The following RELA variants were observed in gnomAD, a reference collection of about 807,000 sequenced individuals.
RELA encodes transcription factor p65.
Under a neutral mutation model 56.7 loss-of-function variants are expected in RELA, and 14 were observed. The ratio of observed to expected loss-of-function variants is 0.25; its 90% CI spans 0.16 to 0.39. The LOEUF is 0.39. Among genes scored for constraint, RELA ranks in the 10% least tolerant of loss-of-function variants. The pLI is 1.00. For missense variants in RELA, 559 were observed against 736.4 expected (o/e 0.76, Z 2.79); for synonymous variants, 315 against 289.7 (o/e 1.09, Z -0.89).
At chr11:65,661,494 C>CT in intron 4 of RELA, 193 bp downstream of exon 4, 1 of 543,868 alleles carries the variant, frequency 1.8e-6, no homozygotes, top group Non-Finnish European at 3.2e-6. Flanking sequence ...TCCGTATCCC[C>CT]TGGAACTCAT....
intron 4 of RELA, 167 bp from the exon 5 acceptor site, chr11:65,660,382 GCTGACAAGCAC>G: frequency 1.6e-6 from 1 of 641,084 alleles, no homozygotes; most frequent in East Asian, 2.8e-5. Context: ...CCTTCACTCA[GCTGACAAGCAC>G]CTCCGTGCCC....
rs1241323828 is a variant in RELA at position 65,661,671 on chromosome 11, C to T, written c.335+16G>A. ...TGTCCCCTCATGCTGGGCCTCCTAG[C>T]CTGCAGGGACCTCACCTGTGGATGC... is the stretch of plus-strand genomic sequence containing the variant. On this transcript the variant is annotated intron_variant, in intron 4 of 10. Transcript: ENST00000406246. 2 of 1,562,132 alleles carry T rather than the reference C, an allele frequency of 1.3e-6. No individual in the cohort carries two copies. The highest frequency in any genetic ancestry group is 2.3e-5 in the East Asian group (1 of 44,242).
At chr11:65,659,205 T>C (rs1323678963) in intron 6 of RELA, among the ~76,000 whole-genome samples, 1 of 152,222 alleles carries the variant, frequency 6.6e-6, no homozygotes, top group Non-Finnish European at 1.5e-5. Context: ...CAGTTTATCC[T>C]GGTTTCCCAT....
intron 10 of RELA, 189 bp from the exon 11 acceptor site, chr11:65,655,189 AC>A: frequency 3.3e-6 from 2 of 603,676 alleles, no homozygotes; most frequent in Non-Finnish European, 5.9e-6. Flanking sequence ...CCACACCTCC[AC>A]CTTGGAGTCC....
At chr11:65,660,736 T>G (rs1856542900) in intron 4 of RELA, 1 of 156,250 alleles carries the variant, frequency 6.4e-6, no homozygotes, top group Admixed American at 6.4e-5. Flanking sequence ...TATTTATTTA[T>G]TTTTAAGAGA....
chr11:65,659,779 C>A lies in RELA; in HGVS notation c.446G>T (p.Arg149Leu), dbSNP rs761250712. The A allele has an allele frequency of 1.2e-6, 2 of 1,612,974 alleles. No homozygotes were observed. Reference protein sequence around the residue: ...NPFQVPIEEQRGDYDLNAVRL... With the variant: ...NPFQVPIEEQLGDYDLNAVRL... Reference sequence around the variant, plus strand: ...CACAGCATTCAGGTCGTAGTCCCCACGCTGCTCTTCTATAGGAACTGCCAA... The same window carrying A: ...CACAGCATTCAGGTCGTAGTCCCCAAGCTGCTCTTCTATAGGAACTGCCAA... The change falls in exon 6 of 11, where the codon CGT (arginine) becomes CTT (leucine). Residue 149 changes from arginine to leucine, a missense_variant. Arg to Leu is a moderately radical substitution (Grantham distance 102). Transcript: ENST00000406246.
intron 1 of RELA, chr11:65,662,466 T>C (rs924330834): frequency 4.1e-6 from 2 of 486,176 alleles, no homozygotes; most frequent in East Asian, 6.8e-5. Context: ...TAAGGAAAAT[T>C]GAGGGAGGGC....
chr11:65,661,754 G>A lies in RELA; in HGVS notation c.268C>T (p.Leu90Phe). 6.2e-7 allele frequency: 1 copy of A among 1,613,904 alleles called. No individual in the cohort carries two copies. The highest frequency in any genetic ancestry group is 8.5e-7 in the Non-Finnish European group (1 of 1,179,922). The change falls in exon 4 of 11, where the codon CTT becomes TTT. Residue 90 changes from leucine (L) to phenylalanine (F), a missense_variant. Leu to Phe is a conservative substitution (Grantham distance 22). Coordinates refer to ENST00000406246, the MANE Select transcript of RELA (RefSeq NM_021975.4). ...CCATCCCGGCAGTCCTTTCCTACAA[G>A]CTCGTGGGGGTGAGGCCGGTGAGGA... ...DPPHRPHPHE[L>F]VGKDCRDGFY...
Position 65,658,339 on chromosome 11 carries a change from A to G in RELA, c.825T>C (p.Pro275=), listed in dbSNP as rs1211316339. ...PVRVSMQLRR[P]SDRELSEPME... Reference sequence around the variant, plus strand: ...TGGGCTCACTGAGCTCCCGGTCGGAAGGCCGCCGCAGCTGCATGGAGACAC... The same window carrying G: ...TGGGCTCACTGAGCTCCCGGTCGGAGGGCCGCCGCAGCTGCATGGAGACAC... The change falls in exon 8 of 11, where the codon CCT becomes CCC. Residue 275 remains proline (P), a synonymous_variant. Coordinates refer to ENST00000406246, the MANE Select transcript of RELA (RefSeq NM_021975.4). This position sits in a 1 kb window ranked among gnomAD's most constrained non-coding sequence, Gnocchi z 4.5. 3 of 1,612,558 alleles carry G rather than the reference A, an allele frequency of 1.9e-6. No homozygotes were observed. The highest frequency in any genetic ancestry group is 3.4e-5 in the Admixed American group (2 of 59,688).
At chr11:65,659,609 C>G (rs1856512425) in intron 6 of RELA, 57 bp downstream of exon 6, 3 of 1,606,988 alleles carry the variant, frequency 1.9e-6, no homozygotes, top group Non-Finnish European at 2.5e-6. Flanking sequence ...CACCCCAACC[C>G]CCTTCCTCCT....
chr11:65,655,232 C>T (rs1318027065), intron 10 of RELA: 2 of 582,888 alleles, frequency 3.4e-6, no homozygotes. Context: ...GAAACTCTTC[C>T]AGCCTTTTAG....
intron 5 of RELA, 21 bp from the exon 6 acceptor site, chr11:65,659,818 C>G (rs1856519322): frequency 2.5e-6 from 4 of 1,598,012 alleles, no homozygotes; most frequent in Non-Finnish European, 3.4e-6. Context: ...AACAGGCGAT[C>G]AGGAGAGCAG....
In RELA at chr11:65,658,930, G is replaced by T; in HGVS notation, c.560-108C>A. The T allele has an allele frequency of 2.3e-6, 2 of 856,350 alleles. No homozygotes were observed. Among genetic ancestry groups the T allele is most frequent in the South Asian group, 1.4e-5 (1 of 73,370 alleles). The allele number at this position is 856,350 out of a possible 1,614,324, so 53.0% of individuals were successfully genotyped here. On this transcript the variant is annotated intron_variant, in intron 6 of 10. Transcript: ENST00000406246. The surrounding 1 kb of genome is among the most constrained non-coding windows in gnomAD (Gnocchi z 4.5). ...CAGCCCAGAGTCAAGGTTGCCCAGA[G>T]CTTGCCACCTACACCTTTGTAGCCA... is the stretch of plus-strand genomic sequence containing the variant.
Position 65,661,912 on chromosome 11 carries a change from C to T in RELA, c.186+25G>A, listed in dbSNP as rs754850782. ...GGGCTGGGGTTCCACAGTCCCTTCC[C>T]CGCACACCCTGGCGCAGTGCTGACC... On this transcript the variant is annotated intron_variant, in intron 3 of 10. Coordinates refer to ENST00000406246, the MANE Select transcript of RELA (RefSeq NM_021975.4). 2.2e-5 allele frequency: 35 copies of T among 1,608,802 alleles called. No homozygotes were observed. In the South Asian group the frequency reaches 3.3e-4, roughly 15 times the overall value.
Position 65,654,957 on chromosome 11 carries a change from G to C in RELA, c.1077C>G (p.Asn359Lys). 2 of 1,605,242 alleles carry C rather than the reference G, an allele frequency of 1.2e-6. No homozygotes were observed. Among genetic ancestry groups the C allele is most frequent in the Non-Finnish European group, 1.7e-6 (2 of 1,176,516 alleles). ...ACACCATGGTGGGAAACTCATCATA[G>C]TTGATGGTGCTCAGGGATGACGTAA... ...YPFTSSLSTI[N>K]YDEFPTMVFP... The change falls in exon 11 of 11, where the codon AAC (asparagine) becomes AAG (lysine). Residue 359 changes from asparagine to lysine, a missense_variant. Coordinates refer to ENST00000406246, the MANE Select transcript of RELA (RefSeq NM_021975.4).
chr11:65,659,641 T>C, intron 6 of RELA, 25 bp downstream of exon 6: 1 of 1,612,296 alleles, frequency 6.2e-7, no homozygotes. Flanking sequence ...CCCTCTCCCC[T>C]TCCTGCGTCT....
rs760519773 is a variant in RELA at position 65,655,678 on chromosome 11, A to C, written c.1033+10T>G. 1 of 1,613,904 alleles carries C rather than the reference A, an allele frequency of 6.2e-7. No individual in the cohort carries two copies. The highest frequency in any genetic ancestry group is 8.5e-7 in the Non-Finnish European group (1 of 1,179,892). On this transcript the variant is annotated intron_variant, in intron 10 of 10. Transcript: ENST00000406246. ...CCTGTCGTTCCAGTGGGACAAAAGG[A>C]AATCCTTACCTGGCTTGGGGACAGA...
chr11:65,661,888 G>A (rs1277314736), intron 3 of RELA, 49 bp downstream of exon 3: 4 of 1,604,250 alleles, frequency 2.5e-6, no homozygotes, highest in Non-Finnish European at 3.4e-6. Flanking sequence ...AAACACAGAG[G>A]GCTGGGGTTC....
intron 8 of RELA, among the ~76,000 whole-genome samples, chr11:65,657,726 C>G (rs1856465909): frequency 6.6e-6 from 1 of 152,238 alleles, no homozygotes; most frequent in Admixed American, 6.5e-5. Flanking sequence ...GCGCACACCT[C>G]CATTTCACAT....
Sources: gnomAD v4.1 joint callset for allele counts (sites outside exome capture counted in the v4.1 genomes callset) on GRCh38, gnomAD v4.1.1 for gene constraint, Gnocchi (gnomAD v3.1) non-coding constraint, MANE v1.5 for transcripts, NCBI Gene and HGNC (gene_info 2026-07-23, HGNC 2026-07-21) for gene names.